Variants in PCLO observed in about 807,000 individuals in gnomAD.
The protein encoded by PCLO is piccolo presynaptic cytomatrix protein.
In PCLO, 82 loss-of-function variants were observed where a neutral mutation model predicts 427.5. That is an observed-to-expected ratio of 0.19 (90% CI 0.16 to 0.23). PCLO has a LOEUF of 0.23. PCLO is among the 10% of genes least tolerant of loss of function. The probability of loss-of-function intolerance (pLI) is 1.00; values close to 1 mark genes in which losing one functional copy is unlikely to be tolerated. For missense variants in PCLO, 6,239 were observed against 6,115.9 expected, an observed-to-expected ratio of 1.02 and a Z score of -0.67; for synonymous variants, 2,357 against 2,155.4, an observed-to-expected ratio of 1.09 and a Z score of -2.59.
At chr7:83,024,311 G>C (rs141802162) in intron 3 of PCLO, among the ~76,000 whole-genome samples, 1 of 152,168 alleles carries the variant, frequency 6.6e-6, no homozygotes, top group Non-Finnish European at 1.5e-5. Flanking sequence ...AGGGGTCACC[G>C]AGTTCCCTTT....
intron 3 of PCLO, among the ~76,000 whole-genome samples, chr7:83,029,878 G>A (rs1236373098): frequency 4.8e-5 from 7 of 147,128 alleles, no homozygotes; most frequent in Non-Finnish European, 6.0e-5. Context: ...ACCAAACACC[G>A]CATATTCTCT....
intron 22 of PCLO, among the ~76,000 whole-genome samples, chr7:82,780,845 G>T (rs1790857733): frequency 6.6e-6 from 1 of 152,146 alleles, no homozygotes; most frequent in African/African-American, 2.4e-5. Flanking sequence ...ATAAATAAAA[G>T]AAGCTTGAAA....
intron 4 of PCLO, among the ~76,000 whole-genome samples, chr7:82,957,289 A>T (rs1010601895): frequency 6.6e-6 from 1 of 152,194 alleles, no homozygotes; most frequent in Non-Finnish European, 1.5e-5. Flanking sequence ...AGATATTTAA[A>T]GATAAATTTT....
At chr7:83,074,455 T>C (rs1012278543) in intron 3 of PCLO, among the ~76,000 whole-genome samples, 4 of 151,922 alleles carry the variant, frequency 2.6e-5, no homozygotes, top group African/African-American at 9.7e-5. Flanking sequence ...TATGTAAAAG[T>C]ATATCCAGAT....
At chr7:82,870,519 T>C (rs191384669) in intron 10 of PCLO, among the ~76,000 whole-genome samples, 5 of 152,068 alleles carry the variant, frequency 3.3e-5, no homozygotes, top group African/African-American at 4.8e-5. Flanking sequence ...CTCCAGGACA[T>C]TGGTATGGGC....
intron 20 of PCLO, 28 bp downstream of exon 20, chr7:82,822,467 T>C (rs1791817313): frequency 1.2e-6 from 2 of 1,613,568 alleles, no homozygotes; most frequent in East Asian, 2.2e-5. Flanking sequence ...TAAGCTGCCA[T>C]GCTGAGGAAT....
Position 82,955,114 on chromosome 7 carries a change from A to T in PCLO, c.5839T>A (p.Tyr1947Asn). 6.2e-7 allele frequency: 1 copy of T among 1,613,808 alleles called. No individual in the cohort carries two copies. Among genetic ancestry groups the T allele is most frequent in the Non-Finnish European group, 8.5e-7 (1 of 1,179,848 alleles). Residue 1947 changes from tyrosine to asparagine, a missense_variant, in exon 5 of 25, where the codon TAT becomes AAT. Physicochemically the swap from Tyr to Asn is moderately radical, Grantham distance 143. Transcript: ENST00000333891. ...RDEVFEKEPL[Y>N]GGMLIEDYIY... ...TAATCCTCTATTAGCATCCCACCAT[A>T]CAAAGGCTCTTTTTCAAACACTTCA...
At position 82,950,784 on chromosome 7, in the gene PCLO, G is replaced by C; in HGVS notation, c.9804C>G (p.Leu3268=). ...EELQSMKQHL[L]FQQEEERQAQ... ...CTTGCCGCTCTTCTTCTTGCTGAAA[G>C]AGAAGGTGTTGCTTCATAGACTGCA... The change falls in exon 6 of 25, where the codon CTC becomes CTG. Residue 3268 remains leucine, a synonymous_variant. Coordinates refer to ENST00000333891, the MANE Select transcript of PCLO (RefSeq NM_033026.6). 6.2e-7 allele frequency: 1 copy of C among 1,613,772 alleles called. No individual in the cohort carries two copies. Among genetic ancestry groups the C allele is most frequent in the African/African-American group, 1.3e-5 (1 of 75,012 alleles).
intron 3 of PCLO, among the ~76,000 whole-genome samples, chr7:82,979,248 C>T (rs1466117224): frequency 2.0e-5 from 3 of 152,034 alleles, no homozygotes; most frequent in African/African-American, 7.3e-5. Context: ...TCTAGAAGTA[C>T]TGCCTGTCCA....
chr7:82,897,435 A>G (rs77097949), intron 9 of PCLO, among the ~76,000 whole-genome samples: 2,362 of 151,660 alleles, frequency 0.016, 66 homozygotes, highest in African/African-American at 0.053. Flanking sequence ...TTCTCTTTGC[A>G]TACATTACAA....
At chr7:82,993,427 T>C (rs1203097971) in intron 3 of PCLO, among the ~76,000 whole-genome samples, 1 of 151,904 alleles carries the variant, frequency 6.6e-6, no homozygotes, top group Non-Finnish European at 1.5e-5. Flanking sequence ...GGCTTTGGCA[T>C]TTTTTTAAAA....
At chr7:82,962,232 T>C (rs1418033459) in intron 4 of PCLO, among the ~76,000 whole-genome samples, 1 of 152,174 alleles carries the variant, frequency 6.6e-6, no homozygotes, top group Non-Finnish European at 1.5e-5. Context: ...AAAATAAGTT[T>C]TCTAGTACTT....
At chr7:82,783,397 G>C (rs1020888355) in intron 22 of PCLO, among the ~76,000 whole-genome samples, 1 of 152,042 alleles carries the variant, frequency 6.6e-6, no homozygotes, top group Admixed American at 6.6e-5. Flanking sequence ...AGCGGATCAC[G>C]ACGTCAGGAG....
At chr7:82,948,489 A>T (rs1175337224) in intron 6 of PCLO, among the ~76,000 whole-genome samples, 1 of 152,220 alleles carries the variant, frequency 6.6e-6, no homozygotes, top group East Asian at 1.9e-4. Flanking sequence ...TCTCAGAAAA[A>T]CCTACTTAGA....
intron 22 of PCLO, among the ~76,000 whole-genome samples, chr7:82,797,538 T>C (rs1187559030): frequency 7.9e-5 from 12 of 152,144 alleles, no homozygotes; most frequent in Admixed American, 7.9e-4. Context: ...AAGTGCACAA[T>C]ATTTTATCAA....
intron 22 of PCLO, among the ~76,000 whole-genome samples, chr7:82,785,446 G>A (rs1790965506): frequency 6.6e-6 from 1 of 152,072 alleles, no homozygotes; most frequent in Non-Finnish European, 1.5e-5. Flanking sequence ...TAGGGTTGGG[G>A]ACCCCTGTAC....
chr7:82,889,319 T>C (rs1233514852), intron 9 of PCLO, among the ~76,000 whole-genome samples: 1 of 151,998 alleles, frequency 6.6e-6, no homozygotes, highest in Non-Finnish European at 1.5e-5. Flanking sequence ...CAGGAATCTC[T>C]CCCTCACCAC....
In PCLO at chr7:82,794,468, T is replaced by C. The variant is rs1316521363; in HGVS notation, c.15007+7050A>G. 8.2e-4 allele frequency among the ~76,000 whole-genome samples: 75 copies of C among 91,326 alleles called. 2 individuals carry two copies. Among genetic ancestry groups the C allele is most frequent in the South Asian group, 3.8e-3 (8 of 2,114 alleles). The allele number at this position is 91,326 out of a possible 152,430, so 59.9% of individuals were successfully genotyped here. ...TTCATAAATTTTTTTTCTTTTTTTT[T>C]TTTTTTTTTTTTTTTTTTTTTGAGA... On this transcript the variant is annotated intron_variant, in intron 22 of 24. Coordinates refer to ENST00000333891, the MANE Select transcript of PCLO (RefSeq NM_033026.6).
At chr7:82,786,361 T>C (rs762527023) in intron 22 of PCLO, among the ~76,000 whole-genome samples, 1 of 152,220 alleles carries the variant, frequency 6.6e-6, no homozygotes, top group Non-Finnish European at 1.5e-5. Flanking sequence ...CAATCTGATA[T>C]ATTTTTCTAT....
Sources: gnomAD v4.1 joint callset for allele counts (sites outside exome capture counted in the v4.1 genomes callset) on GRCh38, gnomAD v4.1.1 for gene constraint, MANE v1.5 for transcripts, NCBI Gene and HGNC (gene_info 2026-07-23, HGNC 2026-07-21) for gene names.